The following AKAP19 variants were observed in gnomAD, a reference collection of about 807,000 sequenced individuals.
AKAP19 encodes the protein small A-kinase anchoring protein.
At chr2:189,938,282 G>A in the AKAP19 span, among the ~76,000 whole-genome samples, 7 of 150,940 alleles carry the variant, frequency 4.6e-5, no homozygotes, top group Non-Finnish European at 8.8e-5. Context: ...GTTGCTGTGA[G>A]CCGAGATCAT....
At chr2:189,956,170 TTTTTTTC>T in the AKAP19 span, among the ~76,000 whole-genome samples, 1 of 5,048 alleles carries the variant, frequency 2.0e-4, no homozygotes, top group Non-Finnish European at 1.3e-3. Context: ...TATATTTTCT[TTTTTTTC>T]TTTTTTTTTT....
chr2:189,935,420 T>C, the AKAP19 span, among the ~76,000 whole-genome samples: 1 of 152,068 alleles, frequency 6.6e-6, no homozygotes, highest in African/African-American at 2.4e-5. Flanking sequence ...AATATTTTCT[T>C]CATTTTGAAT....
At chr2:189,981,588 A>G in the AKAP19 span, among the ~76,000 whole-genome samples, 2 of 152,170 alleles carry the variant, frequency 1.3e-5, no homozygotes, top group Admixed American at 6.5e-5. Context: ...TGTAATTGCT[A>G]TATGGGATCT....
the AKAP19 span, among the ~76,000 whole-genome samples, chr2:190,035,396 A>C: frequency 1.3e-5 from 2 of 151,534 alleles, no homozygotes; most frequent in Non-Finnish European, 2.9e-5. Context: ...GTGCCACTGC[A>C]CTCCAGCCTG....
the AKAP19 span, among the ~76,000 whole-genome samples, chr2:190,156,337 A>T: frequency 6.6e-6 from 1 of 152,212 alleles, no homozygotes; most frequent in Non-Finnish European, 1.5e-5. Context: ...AATAGATTTT[A>T]TATACATACA....
At chr2:189,909,752 T>C in the AKAP19 span, among the ~76,000 whole-genome samples, 2 of 152,084 alleles carry the variant, frequency 1.3e-5, no homozygotes, top group African/African-American at 4.8e-5. Flanking sequence ...TTAAGATTTC[T>C]TAATTTTATT....
At chr2:189,925,437 C>G in the AKAP19 span, among the ~76,000 whole-genome samples, 1 of 152,064 alleles carries the variant, frequency 6.6e-6, no homozygotes, top group Non-Finnish European at 1.5e-5. Flanking sequence ...AGGTTTTTGT[C>G]TTATACAAGT....
At chr2:190,159,322 G>T in the AKAP19 span, among the ~76,000 whole-genome samples, 3 of 152,136 alleles carry the variant, frequency 2.0e-5, no homozygotes, top group Non-Finnish European at 4.4e-5. Flanking sequence ...CTTGAGTTCT[G>T]GGTTGATGAG....
At chr2:189,978,705 T>C in the AKAP19 span, among the ~76,000 whole-genome samples, 2 of 152,326 alleles carry the variant, frequency 1.3e-5, no homozygotes, top group South Asian at 4.1e-4. Flanking sequence ...TTCAACTACA[T>C]CCATGTTGCT....
At chr2:189,973,710 G>C in the AKAP19 span, among the ~76,000 whole-genome samples, 1 of 152,082 alleles carries the variant, frequency 6.6e-6, no homozygotes, top group Non-Finnish European at 1.5e-5. Flanking sequence ...GTTTAGTCTT[G>C]GGAGGTTGTA....
At chr2:190,180,633 C>T in the AKAP19 span, 8 of 985,754 alleles carry the variant, frequency 8.1e-6, no homozygotes, top group Non-Finnish European at 8.4e-6. The surrounding 1 kb of genome is among the most constrained non-coding windows in gnomAD (Gnocchi z 6.8). Context: ...CTCCGCTCCG[C>T]CCGCCCCTGC....
At chr2:190,109,126 C>T in the AKAP19 span, among the ~76,000 whole-genome samples, 201 of 152,168 alleles carry the variant, frequency 1.3e-3, 2 homozygotes, top group African/African-American at 4.6e-3. Flanking sequence ...CCAGAGCCAA[C>T]GGAAAAGATA....
chr2:190,200,917 A>AACTT, the AKAP19 span: 106 of 167,148 alleles, frequency 6.3e-4, no homozygotes, highest in Admixed American at 1.8e-3. Flanking sequence ...AAATAACAGA[A>AACTT]ACTTAGTCTG....
At chr2:190,075,517 A>G in the AKAP19 span, among the ~76,000 whole-genome samples, 1 of 152,308 alleles carries the variant, frequency 6.6e-6, no homozygotes, top group South Asian at 2.1e-4. Flanking sequence ...CTCTATAATT[A>G]CTTGCATACA....
the AKAP19 span, among the ~76,000 whole-genome samples, chr2:189,901,241 G>T: frequency 6.7e-6 from 1 of 150,140 alleles, no homozygotes; most frequent in African/African-American, 2.5e-5. Context: ...ATATTAGAGA[G>T]TTTTTTTTTT....
the AKAP19 span, among the ~76,000 whole-genome samples, chr2:190,116,945 G>A: frequency 2.0e-5 from 3 of 152,222 alleles, no homozygotes; most frequent in Non-Finnish European, 4.4e-5. Context: ...AGGCAGTATA[G>A]CCTAGTGATT....
the AKAP19 span, chr2:190,060,101 A>G: frequency 2.5e-6 from 4 of 1,612,662 alleles, no homozygotes; most frequent in Non-Finnish European, 3.4e-6. Flanking sequence ...TTACAGCAAG[A>G]TCATGACCAT....
At chr2:190,034,666 G>A in the AKAP19 span, among the ~76,000 whole-genome samples, 7 of 150,636 alleles carry the variant, frequency 4.6e-5, no homozygotes, top group African/African-American at 1.7e-4. Flanking sequence ...CCAACATGAC[G>A]AAACCCCATC....
chr2:190,118,840 T>A, the AKAP19 span, among the ~76,000 whole-genome samples: 1 of 152,188 alleles, frequency 6.6e-6, no homozygotes, highest in Non-Finnish European at 1.5e-5. Flanking sequence ...CCATTCCTAT[T>A]CAACATACTG....
Sources: allele counts gnomAD v4.1 joint callset (sites outside exome capture counted in the v4.1 genomes callset), GRCh38; gene constraint gnomAD v4.1.1; non-coding constraint Gnocchi (gnomAD v3.1); transcripts MANE v1.5; gene names NCBI Gene and HGNC (gene_info 2026-07-23, HGNC 2026-07-21).